KDM3B: variants seen among roughly 807,000 people sequenced by gnomAD.
The protein encoded by KDM3B is lysine-specific demethylase 3B.
Under a neutral mutation model 170.0 loss-of-function variants are expected in KDM3B, and 10 were observed. The ratio of observed to expected loss-of-function variants is 0.06; its 90% CI spans 0.04 to 0.10. The LOEUF is 0.10. Among genes scored for constraint, KDM3B ranks in the 10% least tolerant of loss-of-function variants. The probability of loss-of-function intolerance (pLI) is 1.00; values close to 1 mark genes in which losing one functional copy is unlikely to be tolerated. For synonymous variants in KDM3B, 831 were observed against 834.8 expected, an observed-to-expected ratio of 1.00 and a Z score of 0.08; for missense variants, 1,394 against 2,195.2, an observed-to-expected ratio of 0.64 and a Z score of 7.29.
intron 6 of KDM3B, among the ~76,000 whole-genome samples, chr5:138,382,199 G>C (rs1762141754): frequency 6.6e-6 from 1 of 152,128 alleles, no homozygotes; most frequent in African/African-American, 2.4e-5. Context: ...TGTAATCCCA[G>C]CACTTTGGGA....
intron 9 of KDM3B, among the ~76,000 whole-genome samples, chr5:138,395,650 C>T (rs1048239871): frequency 6.6e-6 from 1 of 151,826 alleles, no homozygotes; most frequent in Non-Finnish European, 1.5e-5. Context: ...GGAGTCTTGC[C>T]CTGTTGCCCA....
intron 15 of KDM3B, among the ~76,000 whole-genome samples, chr5:138,423,232 C>G (rs1348658227): frequency 6.6e-6 from 1 of 152,244 alleles, no homozygotes; most frequent in African/African-American, 2.4e-5. Context: ...CAGGCATGAG[C>G]CACCGTGCCC....
chr5:138,435,768 A>C lies in KDM3B; in HGVS notation c.*68A>C. ...CTCACAACACTTAACAGGGAACGGC[A>C]GGGCTCTTTGCTGGAGCAGAGGCCC... is the stretch of plus-strand genomic sequence containing the variant. On this transcript the variant is annotated 3_prime_UTR_variant, in exon 24 of 24. Coordinates refer to ENST00000314358, the MANE Select transcript of KDM3B (RefSeq NM_016604.4). 1 of 1,268,822 alleles carries C rather than the reference A, an allele frequency of 7.9e-7. No individual in the cohort carries two copies. The allele number at this position is 1,268,822 out of a possible 1,614,324, so 78.6% of individuals were successfully genotyped here.
intron 9 of KDM3B, 133 bp downstream of exon 9, chr5:138,393,505 T>A: frequency 1.4e-6 from 1 of 707,894 alleles, no homozygotes; most frequent in South Asian, 1.9e-5. Context: ...TCTCAGCGTC[T>A]GTGAAGAGGC....
In KDM3B at chr5:138,352,908, C is replaced by T. The variant is rs1181228764; in HGVS notation, c.113C>T (p.Pro38Leu). The change falls in exon 1 of 24, where the codon CCG becomes CTG. Residue 38 changes from proline to leucine, a missense_variant. Pro to Leu is a moderately conservative substitution (Grantham distance 98). Transcript: ENST00000314358. Reference protein sequence around the residue: ...APAAAAASGDPGPALRTRAWR... With the variant: ...APAAAAASGDLGPALRTRAWR... Reference sequence around the variant, plus strand: ...GCGGCGGCAGCGGCGAGCGGAGATCCGGGGCCTGCGCTGCGCACTCGAGCC... The same window carrying T: ...GCGGCGGCAGCGGCGAGCGGAGATCTGGGGCCTGCGCTGCGCACTCGAGCC... 2 of 1,371,328 alleles carry T rather than the reference C, an allele frequency of 1.5e-6. No individual in the cohort carries two copies. Among genetic ancestry groups the T allele is most frequent in the Admixed American group, 3.0e-5 (1 of 33,228 alleles). 84.9% of individuals were successfully genotyped at this position (1,371,328 alleles called of 1,614,324 possible).
At chr5:138,433,181 G>A (rs1231773136) in intron 23 of KDM3B, among the ~76,000 whole-genome samples, 2 of 149,870 alleles carry the variant, frequency 1.3e-5, no homozygotes, top group South Asian at 2.1e-4. Flanking sequence ...GCATGATCTC[G>A]GCTCACTGCA....
At chr5:138,399,567 A>G (rs1762631352) in intron 10 of KDM3B, among the ~76,000 whole-genome samples, 1 of 152,000 alleles carries the variant, frequency 6.6e-6, no homozygotes, top group Non-Finnish European at 1.5e-5. Context: ...TTTTTTTACA[A>G]TTCCTTAAGT....
chr5:138,421,930 G>A (rs547526123), intron 15 of KDM3B, among the ~76,000 whole-genome samples: 70 of 152,126 alleles, frequency 4.6e-4, no homozygotes, highest in Middle Eastern at 3.4e-3. Flanking sequence ...TGTTCACTCC[G>A]TTCCAGCCAC....
intron 1 of KDM3B, among the ~76,000 whole-genome samples, chr5:138,363,602 AG>A (rs1335078853): frequency 2.0e-5 from 3 of 152,192 alleles, no homozygotes; most frequent in Admixed American, 1.3e-4. Flanking sequence ...TCTGGAGTGC[AG>A]TGGTGTGATC....
chr5:138,431,926 C>A lies in KDM3B; in HGVS notation c.5205+367C>A, dbSNP rs1176680937. Among the ~76,000 whole-genome samples the A allele has an allele frequency of 1.2e-3, 182 of 150,136 alleles. 1 individual carries two copies. Among genetic ancestry groups the A allele is most frequent in the Middle Eastern group, 0.01 (3 of 290 alleles). The stretch of plus-strand genomic sequence containing the variant: ...GACTCCCATCTCAAAAAAAAAAAAA[C>A]AAAAAACAGTTTTTCTTCTTTTTAA... On this transcript the variant is annotated intron_variant, in intron 23 of 23. Transcript: ENST00000314358.
At chr5:138,383,774 C>A (rs1435175764) in intron 6 of KDM3B, among the ~76,000 whole-genome samples, 1 of 152,044 alleles carries the variant, frequency 6.6e-6, no homozygotes, top group Non-Finnish European at 1.5e-5. Context: ...CATGATGAAA[C>A]CCTGTCTCTA....
intron 1 of KDM3B, among the ~76,000 whole-genome samples, chr5:138,362,527 G>GAT (rs1301696925): frequency 1.7e-4 from 22 of 132,574 alleles, no homozygotes; most frequent in Non-Finnish European, 2.2e-4. Context: ...TTGAGCCCAG[G>GAT]ATATATATAT....
chr5:138,424,313 T>C lies in KDM3B; in HGVS notation c.4211T>C (p.Ile1404Thr). The C allele has an allele frequency of 6.2e-7, 1 of 1,614,118 alleles. No individual in the cohort carries two copies. The highest frequency in any genetic ancestry group is 8.5e-7 in the Non-Finnish European group (1 of 1,180,008). The change falls in exon 16 of 24, where the codon ATC becomes ACC. Residue 1404 changes from isoleucine to threonine, a missense_variant. Transcript: ENST00000314358. ...HDPSNKNNWK[I>T]FRECWKQGQP... ...CCCAGCAACAAAAACAATTGGAAGA[T>C]CTTCCGGGAGTGTTGGAAGCAAGGT...
Position 138,363,767 on chromosome 5 carries a change from C to T in KDM3B, c.193-8907C>T, listed in dbSNP as rs549704134. On this transcript the variant is annotated intron_variant, in intron 1 of 23. Coordinates refer to ENST00000314358, the MANE Select transcript of KDM3B (RefSeq NM_016604.4). Reference sequence around the variant, plus strand: ...TTCACCTTGTTAGCCAGGATGGCCTCGATCTCCTGACCTGGTGATCCGCCT... The same window carrying T: ...TTCACCTTGTTAGCCAGGATGGCCTTGATCTCCTGACCTGGTGATCCGCCT... Among the ~76,000 whole-genome samples the T allele has an allele frequency of 1.3e-3, 195 of 152,176 alleles. 1 individual carries two copies. The highest frequency in any genetic ancestry group is 3.4e-3 in the Middle Eastern group (1 of 294).
At chr5:138,368,147 G>T (rs1408398406) in intron 1 of KDM3B, among the ~76,000 whole-genome samples, 1 of 151,556 alleles carries the variant, frequency 6.6e-6, no homozygotes, top group Non-Finnish European at 1.5e-5. Flanking sequence ...TCCCTTCTTT[G>T]TATCCTGTGG....
chr5:138,354,941 G>A (rs1015476961), intron 1 of KDM3B, among the ~76,000 whole-genome samples: 1 of 152,194 alleles, frequency 6.6e-6, no homozygotes, highest in Non-Finnish European at 1.5e-5. Flanking sequence ...AATTGTTCAA[G>A]AATTGGTATT....
In KDM3B at chr5:138,398,276, C is replaced by T. The variant is rs769051902; in HGVS notation, c.2930C>T (p.Ser977Phe). The stretch of plus-strand genomic sequence containing the variant: ...ATGAACCTGTGGATTCCCTCTTCCT[C>T]CCTAGCAGAAGGGATAGATCTAGAG... ...DAMNLWIPSS[S>F]LAEGIDLETS... Residue 977 changes from serine (S) to phenylalanine (F), a missense_variant, in exon 10 of 24, where the codon TCC (serine) becomes TTC (phenylalanine). Ser to Phe is a radical substitution (Grantham distance 155, BLOSUM62 -2). Transcript: ENST00000314358. 4 of 1,614,134 alleles carry T rather than the reference C, an allele frequency of 2.5e-6. No individual in the cohort carries two copies. The highest frequency in any genetic ancestry group is 3.4e-6 in the Non-Finnish European group (4 of 1,180,008).
intron 6 of KDM3B, among the ~76,000 whole-genome samples, chr5:138,384,879 A>C (rs904331328): frequency 6.7e-6 from 1 of 148,226 alleles, no homozygotes; most frequent in Non-Finnish European, 1.5e-5. Context: ...GTGCCACTGC[A>C]CTCCAGCCTG....
chr5:138,375,304 A>C (rs555539748), intron 3 of KDM3B, 98 bp downstream of exon 3: 2 of 565,684 alleles, frequency 3.5e-6, no homozygotes, highest in South Asian at 6.3e-5. Flanking sequence ...ACTGGGTGGG[A>C]ACATATTAGC....
Sources: allele counts gnomAD v4.1 joint callset (sites outside exome capture counted in the v4.1 genomes callset), GRCh38; gene constraint gnomAD v4.1.1; transcripts MANE v1.5; gene names NCBI Gene and HGNC (gene_info 2026-07-23, HGNC 2026-07-21).